Variants in CSMD1 observed in about 807,000 individuals in gnomAD.
CSMD1 encodes CUB and sushi domain-containing protein 1.
CSMD1 carries 213 observed loss-of-function variants against 417.5 expected under a neutral mutation model. That is an observed-to-expected ratio of 0.51 (90% CI 0.46 to 0.57). CSMD1 has a LOEUF of 0.57. Among genes scored for constraint, CSMD1 ranks in the 20% least tolerant of loss-of-function variants. The pLI is 0.00. For missense variants in CSMD1, 6,923 were observed against 4,529.7 expected (o/e 1.53, Z -15.17); for synonymous variants, 2,862 against 1,736.8 (o/e 1.65, Z -16.11).
intron 3 of CSMD1, among the ~76,000 whole-genome samples, chr8:4,201,161 G>C (rs753601228): frequency 6.6e-6 from 1 of 152,176 alleles, no homozygotes. Context: ...AATGACTACT[G>C]TAAGGATTAA....
intron 3 of CSMD1, among the ~76,000 whole-genome samples, chr8:4,085,267 C>G (rs1166273928): frequency 6.6e-6 from 1 of 152,086 alleles, no homozygotes; most frequent in Non-Finnish European, 1.5e-5. Flanking sequence ...CCCCAAAAAT[C>G]TGTGCATAGA....
intron 6 of CSMD1, among the ~76,000 whole-genome samples, chr8:3,715,762 C>T (rs1446954201): frequency 6.6e-6 from 1 of 152,138 alleles, no homozygotes. Context: ...AAACTGGTCT[C>T]AAACTCCCGA....
At chr8:3,485,806 AT>A in intron 11 of CSMD1, among the ~76,000 whole-genome samples, 2 of 150,560 alleles carry the variant, frequency 1.3e-5, no homozygotes, top group South Asian at 4.2e-4. Context: ...ATAAAATAAA[AT>A]AAAATAAAAT....
chr8:3,444,726 T>A (rs1214842172), intron 12 of CSMD1, among the ~76,000 whole-genome samples: 2 of 152,176 alleles, frequency 1.3e-5, no homozygotes, highest in Admixed American at 6.5e-5. Context: ...ATGTAATATA[T>A]AAATGTAATG....
At chr8:4,456,976 G>GTTTT (rs376227990) in intron 2 of CSMD1, among the ~76,000 whole-genome samples, 73 of 136,784 alleles carry the variant, frequency 5.3e-4, no homozygotes, top group African/African-American at 1.6e-3. Context: ...GATGAGTGTG[G>GTTTT]TTTTTTTTTA....
At chr8:4,556,469 T>C (rs1348439484) in intron 2 of CSMD1, among the ~76,000 whole-genome samples, 1 of 152,142 alleles carries the variant, frequency 6.6e-6, no homozygotes, top group African/African-American at 2.4e-5. Context: ...TATTGCTTGC[T>C]ACAGTCTCAT....
intron 3 of CSMD1, among the ~76,000 whole-genome samples, chr8:4,039,308 C>T (rs1334959067): frequency 6.6e-6 from 1 of 152,066 alleles, no homozygotes; most frequent in Non-Finnish European, 1.5e-5. Context: ...CTATGTAAAC[C>T]AACGATATCA....
chr8:4,444,754 C>G (rs1184224731), intron 2 of CSMD1, among the ~76,000 whole-genome samples: 1 of 152,150 alleles, frequency 6.6e-6, no homozygotes, highest in Non-Finnish European at 1.5e-5. Context: ...ATGAATATGT[C>G]TACCTAATTT....
At chr8:4,084,401 T>C (rs1474970159) in intron 3 of CSMD1, among the ~76,000 whole-genome samples, 1 of 152,176 alleles carries the variant, frequency 6.6e-6, no homozygotes, top group Non-Finnish European at 1.5e-5. Context: ...TTTAAATTTT[T>C]TAAATTCCTA....
chr8:3,638,978 A>G (rs1415947207), intron 7 of CSMD1, among the ~76,000 whole-genome samples: 2 of 152,234 alleles, frequency 1.3e-5, no homozygotes, highest in African/African-American at 4.8e-5. Flanking sequence ...AATAAGAGAA[A>G]GGCAGTGTTG....
intron 37 of CSMD1, among the ~76,000 whole-genome samples, chr8:3,177,961 A>C (rs758661799): frequency 4.6e-5 from 7 of 152,242 alleles, no homozygotes; most frequent in Non-Finnish European, 1.0e-4. Flanking sequence ...GTTAATTCTC[A>C]CATGTCCAGT....
chr8:4,144,990 A>G (rs934691713), intron 3 of CSMD1, among the ~76,000 whole-genome samples: 2 of 151,074 alleles, frequency 1.3e-5, no homozygotes, highest in African/African-American at 5.0e-5. Context: ...TGTTTCATAA[A>G]ACGTTCTCTA....
intron 5 of CSMD1, among the ~76,000 whole-genome samples, chr8:3,771,495 G>C (rs1036621826): frequency 2.0e-5 from 3 of 152,110 alleles, no homozygotes; most frequent in Admixed American, 1.3e-4. Flanking sequence ...TCAAGCTCTC[G>C]AACACACAAC....
intron 18 of CSMD1, among the ~76,000 whole-genome samples, chr8:3,377,011 T>A (rs923238826): frequency 1.3e-5 from 2 of 152,198 alleles, no homozygotes; most frequent in Non-Finnish European, 2.9e-5. Flanking sequence ...GATTTAGTAA[T>A]AGCTCTTTCT....
At chr8:3,806,108 G>C (rs1405607241) in intron 5 of CSMD1, among the ~76,000 whole-genome samples, 1 of 152,134 alleles carries the variant, frequency 6.6e-6, no homozygotes, top group Non-Finnish European at 1.5e-5. Flanking sequence ...ATGCCTTTTA[G>C]TTGTAGTATT....
At chr8:3,523,947 G>C (rs1274671502) in intron 10 of CSMD1, among the ~76,000 whole-genome samples, 1 of 137,312 alleles carries the variant, frequency 7.3e-6, no homozygotes, top group African/African-American at 2.9e-5. Context: ...TCAGACACGT[G>C]CATACACATG....
chr8:4,218,462 A>G (rs1340188195), intron 3 of CSMD1, among the ~76,000 whole-genome samples: 1 of 152,182 alleles, frequency 6.6e-6, no homozygotes, highest in Non-Finnish European at 1.5e-5. Context: ...ATTTTCCATG[A>G]AAGTCTCAAC....
chr8:3,649,465 T>C (rs1797735970), intron 7 of CSMD1, among the ~76,000 whole-genome samples: 1 of 152,148 alleles, frequency 6.6e-6, no homozygotes, highest in Non-Finnish European at 1.5e-5. Context: ...GACTCACAGT[T>C]CATCATGGCT....
intron 2 of CSMD1, among the ~76,000 whole-genome samples, chr8:4,543,028 T>C (rs997635264): frequency 6.6e-6 from 1 of 152,188 alleles, no homozygotes; most frequent in South Asian, 2.1e-4. Context: ...AAGGTGATGG[T>C]AAAATGTAGC....
Sources: gnomAD v4.1 joint callset for allele counts (sites outside exome capture counted in the v4.1 genomes callset) on GRCh38, gnomAD v4.1.1 for gene constraint, MANE v1.5 for transcripts, NCBI Gene and HGNC (gene_info 2026-07-23, HGNC 2026-07-21) for gene names.